BEND7: variants seen among roughly 807,000 people sequenced by gnomAD.
BEND7 encodes the protein BEN domain-containing protein 7.
In BEND7, 28 loss-of-function variants were observed where a neutral mutation model predicts 50.9. That is an observed-to-expected ratio of 0.55 (90% CI 0.41 to 0.75). BEND7 has a LOEUF of 0.75. Among genes scored for constraint, BEND7 ranks in the 30% least tolerant of loss-of-function variants. The pLI is 0.00. For synonymous variants in BEND7, 170 were observed against 183.9 expected, an observed-to-expected ratio of 0.92 and a Z score of 0.61; for missense variants, 477 against 491.3, an observed-to-expected ratio of 0.97 and a Z score of 0.28.
chr10:13,488,484 A>G (rs752264100), intron 5 of BEND7, among the ~76,000 whole-genome samples: 1 of 151,768 alleles, frequency 6.6e-6, no homozygotes, highest in Non-Finnish European at 1.5e-5. Flanking sequence ...TAAATACTGT[A>G]TTTTCTTTTT....
intron 2 of BEND7, among the ~76,000 whole-genome samples, chr10:13,507,119 A>C (rs1217915319): frequency 2.0e-5 from 3 of 152,172 alleles, no homozygotes; most frequent in Non-Finnish European, 4.4e-5. Flanking sequence ...GGGGTGGAGG[A>C]CATCTTATAG....
intron 2 of BEND7, among the ~76,000 whole-genome samples, chr10:13,525,036 G>C (rs1163385358): frequency 1.3e-5 from 2 of 152,214 alleles, no homozygotes; most frequent in African/African-American, 2.4e-5. Context: ...CTGAGCAGCA[G>C]TCCTGCTACC....
rs538573070 is a variant in BEND7, at chr10:13,469,415, A to G, written c.1063+11484T>C. ...GTACAGCCGTGCTTTGCTCTTATAC[A>G]AAAATGTCTGACAGGCAGCCAAAAT... On this transcript the variant is annotated intron_variant, in intron 6 of 8. Transcript: ENST00000466271. Among the ~76,000 whole-genome samples, 16 of 152,346 alleles carry G rather than the reference A, an allele frequency of 1.1e-4. No homozygotes were observed. In the South Asian group the frequency reaches 3.1e-3, roughly 30 times the overall value.
intron 4 of BEND7, among the ~76,000 whole-genome samples, chr10:13,495,863 C>T (rs1199711084): frequency 1.3e-5 from 2 of 152,286 alleles, no homozygotes; most frequent in East Asian, 1.9e-4. Context: ...GATGAAAGGG[C>T]AGGAAAGCCA....
chr10:13,449,290 C>A (rs2130964253), intron 7 of BEND7, among the ~76,000 whole-genome samples: 1 of 152,204 alleles, frequency 6.6e-6, no homozygotes, highest in Non-Finnish European at 1.5e-5. Flanking sequence ...TCTCTCACTG[C>A]CTAGGATTTT....
At chr10:13,518,190 T>TA (rs2078831303) in intron 2 of BEND7, among the ~76,000 whole-genome samples, 1 of 152,266 alleles carries the variant, frequency 6.6e-6, no homozygotes, top group African/African-American at 2.4e-5. Flanking sequence ...ACTTTTCATT[T>TA]ATAGGGCAGT....
intron 2 of BEND7, chr10:13,500,571 C>T (rs2077368963): frequency 1.0e-6 from 1 of 989,208 alleles, no homozygotes; most frequent in Middle Eastern, 5.2e-4. Flanking sequence ...GGCAGGGACG[C>T]AGGGCTTCAC....
intron 1 of BEND7, chr10:13,527,926 A>G (rs1589096949): frequency 5.1e-6 from 4 of 777,596 alleles, no homozygotes; most frequent in South Asian, 1.2e-4. Context: ...TCTGACTGCT[A>G]TATGATCTAG....
chr10:13,512,678 A>G (rs1353518236), intron 2 of BEND7, among the ~76,000 whole-genome samples: 1 of 152,254 alleles, frequency 6.6e-6, no homozygotes, highest in East Asian at 1.9e-4. Flanking sequence ...GTTAAGTATG[A>G]ACATCATTAA....
At chr10:13,504,581 T>A (rs2077731978) in intron 2 of BEND7, among the ~76,000 whole-genome samples, 1 of 152,252 alleles carries the variant, frequency 6.6e-6, no homozygotes, top group Non-Finnish European at 1.5e-5. Flanking sequence ...TTTCCAGTTA[T>A]CATTAGTCAA....
At chr10:13,482,523 A>G (rs939550088) in intron 5 of BEND7, among the ~76,000 whole-genome samples, 2 of 152,310 alleles carry the variant, frequency 1.3e-5, no homozygotes, top group African/African-American at 4.8e-5. Flanking sequence ...TTGTCCTATC[A>G]CTTTTCAACA....
chr10:13,441,633 C>T lies in BEND7; in HGVS notation c.*110G>A. ...CCTATTTTAACACGGCGAAAGGTCACCAATTAATCTTCTCCCTTCCCTTGG... is the reference window on the plus strand; with the variant it reads ...CCTATTTTAACACGGCGAAAGGTCATCAATTAATCTTCTCCCTTCCCTTGG... On this transcript the variant is annotated 3_prime_UTR_variant, in exon 9 of 9. Coordinates refer to ENST00000466271, the MANE Select transcript of BEND7 (RefSeq NM_001369863.1). 1.9e-6 allele frequency: 3 copies of T among 1,582,790 alleles called. No homozygotes were observed. The highest frequency in any genetic ancestry group is 3.8e-5 in the Admixed American group (2 of 53,082).
intron 7 of BEND7, among the ~76,000 whole-genome samples, chr10:13,449,574 G>C (rs4750359): frequency 6.6e-6 from 1 of 152,056 alleles, no homozygotes; most frequent in Non-Finnish European, 1.5e-5. Flanking sequence ...CATATGCATC[G>C]ATATGAGCTA....
At chr10:13,462,667 C>A (rs1164795373) in intron 6 of BEND7, among the ~76,000 whole-genome samples, 1 of 151,854 alleles carries the variant, frequency 6.6e-6, no homozygotes, top group Non-Finnish European at 1.5e-5. Flanking sequence ...ATAAGGGATA[C>A]AAAGGACAGA....
intron 6 of BEND7, among the ~76,000 whole-genome samples, chr10:13,464,719 C>T (rs1181170520): frequency 6.6e-6 from 1 of 152,170 alleles, no homozygotes; most frequent in Non-Finnish European, 1.5e-5. Context: ...ACGTTTTAAC[C>T]TAAAGACTAC....
chr10:13,486,366 T>A lies in BEND7; in HGVS notation c.838-5242A>T, dbSNP rs985750031. ...AATCCTATGCTGAGAATATAGCCCA[T>A]GAGGAGGGTAGCCACAAGAGCATGT... is the stretch of plus-strand genomic sequence containing the variant. On this transcript the variant is annotated intron_variant, in intron 5 of 8. Coordinates refer to ENST00000466271, the MANE Select transcript of BEND7 (RefSeq NM_001369863.1). Among the ~76,000 whole-genome samples, 8 of 152,086 alleles carry A rather than the reference T, an allele frequency of 5.3e-5. 1 individual carries two copies. Among genetic ancestry groups the A allele is most frequent in the African/African-American group, 1.9e-4 (8 of 41,410 alleles).
At chr10:13,455,330 G>A (rs898807038) in intron 6 of BEND7, among the ~76,000 whole-genome samples, 7 of 152,084 alleles carry the variant, frequency 4.6e-5, no homozygotes, top group African/African-American at 1.7e-4. Flanking sequence ...ACATGAAGGG[G>A]CCCAAGCACG....
In BEND7 at chr10:13,480,938, G is replaced by A. The variant is rs750048083; in HGVS notation, c.1024C>T (p.Arg342Trp). 6.2e-6 allele frequency: 10 copies of A among 1,614,028 alleles called. No homozygotes were observed. The highest frequency in any genetic ancestry group is 5.9e-6 in the Non-Finnish European group (7 of 1,180,036). Residue 342 changes from arginine to tryptophan, a missense_variant, in exon 6 of 9, where the codon CGG becomes TGG. This residue lies in a region of BEND7 where 17 missense variants were observed against 38.6 expected (regional missense o/e 0.44). Coordinates refer to ENST00000466271, the MANE Select transcript of BEND7 (RefSeq NM_001369863.1). ...GKRKRGLNDN[R>W]KGLDQNIVGA... Reference sequence around the variant, plus strand: ...ACAATATTTTGGTCTAGTCCTTTCCGGTTGTCATTGAGTCCTCTTTTCCTC... The same window carrying A: ...ACAATATTTTGGTCTAGTCCTTTCCAGTTGTCATTGAGTCCTCTTTTCCTC...
chr10:13,520,168 C>T (rs572527262), intron 2 of BEND7, among the ~76,000 whole-genome samples: 1 of 152,080 alleles, frequency 6.6e-6, no homozygotes, highest in Non-Finnish European at 1.5e-5. Flanking sequence ...ATTCTAAAGG[C>T]CCATTTTTCT....
Sources: gnomAD v4.1 joint callset for allele counts (sites outside exome capture counted in the v4.1 genomes callset) on GRCh38, gnomAD v4.1.1 for gene constraint, gnomAD v4.1.1 regional missense constraint, MANE v1.5 for transcripts, NCBI Gene and HGNC (gene_info 2026-07-23, HGNC 2026-07-21) for gene names.